Variants in MEF2A observed in about 807,000 individuals in gnomAD.
The protein encoded by MEF2A is myocyte enhancer factor 2A, also known as myocyte-specific enhancer factor 2A.
A neutral mutation model predicts 55.8 loss-of-function variants in MEF2A; 28 were observed. The observed-to-expected ratio is 0.50, with a 90% CI of 0.37 to 0.69. MEF2A has a LOEUF of 0.69. MEF2A is among the 30% of genes least tolerant of loss of function. The probability of loss-of-function intolerance (pLI) is 0.00; values close to 1 mark genes in which losing one functional copy is unlikely to be tolerated. For synonymous variants in MEF2A, 239 were observed against 227.1 expected (o/e 1.05, Z -0.47); for missense variants, 528 against 626.2 (o/e 0.84, Z 1.67).
At chr15:99,690,044 T>G (rs1303335614) in intron 7 of MEF2A, among the ~76,000 whole-genome samples, 197 bp from the exon 8 acceptor site, 1 of 152,192 alleles carries the variant, frequency 6.6e-6, no homozygotes, top group Non-Finnish European at 1.5e-5. Flanking sequence ...TTAGGGATGC[T>G]CAGCCAATAA....
At chr15:99,569,179 C>T (rs1337740105) in intron 1 of MEF2A, among the ~76,000 whole-genome samples, 2 of 152,144 alleles carry the variant, frequency 1.3e-5, no homozygotes, top group Admixed American at 6.5e-5. Context: ...GAGATATCTC[C>T]TGTAAAATGA....
intron 4 of MEF2A, among the ~76,000 whole-genome samples, chr15:99,660,418 G>A (rs909186117): frequency 2.6e-5 from 4 of 152,208 alleles, no homozygotes. Flanking sequence ...GGAGATGTGA[G>A]TGAAAATGAT....
rs1567535059 is a variant in MEF2A, at chr15:99,715,335, CTG to C, written c.*2566_*2567del. On this transcript the variant is annotated 3_prime_UTR_variant, in exon 12 of 12. Coordinates refer to ENST00000557942, the MANE Select transcript of MEF2A (RefSeq NM_001319206.4). ...GTGCCTTATGAGATGGCTTTTCTGA[CTG>C]TATCTCAATAGTCTTTCTTTCTATG... 6.6e-6 allele frequency: 1 copy of C among 152,184 alleles called. No homozygotes were observed. The highest frequency in any genetic ancestry group is 1.5e-5 in the Non-Finnish European group (1 of 68,028). 9.4% of individuals were successfully genotyped at this position (152,184 alleles called of 1,614,324 possible).
rs75888383 is a variant in MEF2A at position 99,711,515 on chromosome 15, G to C, written c.1136+755G>C. On this transcript the variant is annotated intron_variant, in intron 11 of 11. Transcript: ENST00000557942. ...AGGATGACAGCAGACCCATGGAGCA[G>C]TTGGAGGAGAGTGTCCCAAGAGAGG... 1.2e-3 allele frequency among the ~76,000 whole-genome samples: 176 copies of C among 152,314 alleles called. 1 individual carries two copies. Among genetic ancestry groups the C allele is most frequent in the Non-Finnish European group, 1.9e-3 (129 of 68,028 alleles).
chr15:99,659,417 G>A (rs959939976), intron 4 of MEF2A, among the ~76,000 whole-genome samples: 10 of 152,088 alleles, frequency 6.6e-5, no homozygotes, highest in African/African-American at 2.4e-4. Context: ...AGATAGGGGT[G>A]ATAAGATCAT....
chr15:99,626,313 C>T (rs1351915184), intron 2 of MEF2A, among the ~76,000 whole-genome samples: 1 of 152,030 alleles, frequency 6.6e-6, no homozygotes, highest in Non-Finnish European at 1.5e-5. Context: ...TTGTAATGCC[C>T]CCACTTTCAT....
chr15:99,616,292 C>T (rs142485183), intron 2 of MEF2A, among the ~76,000 whole-genome samples: 1 of 151,926 alleles, frequency 6.6e-6, no homozygotes, highest in Non-Finnish European at 1.5e-5. Flanking sequence ...ATAATATCTG[C>T]GAATAGGTTA....
chr15:99,699,929 T>G (rs2057120810), intron 8 of MEF2A, among the ~76,000 whole-genome samples: 1 of 151,066 alleles, frequency 6.6e-6, no homozygotes, highest in Non-Finnish European at 1.5e-5. Flanking sequence ...GGGTTATAGT[T>G]GAAGGATTCA....
intron 1 of MEF2A, among the ~76,000 whole-genome samples, chr15:99,566,777 A>G (rs1959779361): frequency 6.6e-6 from 1 of 152,024 alleles, no homozygotes; most frequent in African/African-American, 2.4e-5. Flanking sequence ...GAATTCTGTG[A>G]GTGTGTAGAT....
chr15:99,575,013 T>G (rs1352896651), intron 1 of MEF2A, among the ~76,000 whole-genome samples: 1 of 152,148 alleles, frequency 6.6e-6, no homozygotes, highest in Non-Finnish European at 1.5e-5. Flanking sequence ...GAATCCACTG[T>G]GTAGATCTTT....
At chr15:99,582,223 A>G (rs1017967126) in intron 1 of MEF2A, among the ~76,000 whole-genome samples, 4 of 152,164 alleles carry the variant, frequency 2.6e-5, no homozygotes, top group Admixed American at 2.6e-4. Flanking sequence ...GCCTTAAAGA[A>G]TAATGCTGAA....
intron 7 of MEF2A, among the ~76,000 whole-genome samples, chr15:99,683,769 T>C (rs1357649484): frequency 6.6e-6 from 1 of 152,016 alleles, no homozygotes; most frequent in Admixed American, 6.6e-5. Flanking sequence ...TGGTGTTTTG[T>C]TGCATGGAAA....
intron 2 of MEF2A, among the ~76,000 whole-genome samples, chr15:99,611,861 T>C (rs1303702112): frequency 1.3e-5 from 2 of 152,214 alleles, no homozygotes; most frequent in African/African-American, 2.4e-5. Flanking sequence ...TACTGATTAA[T>C]GTTATAACCC....
intron 4 of MEF2A, among the ~76,000 whole-genome samples, chr15:99,657,179 A>T (rs760136511): frequency 6.6e-6 from 1 of 151,998 alleles, no homozygotes; most frequent in Non-Finnish European, 1.5e-5. Flanking sequence ...TGAAGTTTGT[A>T]TACAAGTTTT....
chr15:99,617,336 C>G (rs2153229055), intron 2 of MEF2A, among the ~76,000 whole-genome samples: 1 of 150,240 alleles, frequency 6.7e-6, no homozygotes, highest in African/African-American at 2.4e-5. Context: ...TCTGTATCAT[C>G]TGGCATTTTG....
rs2051778219 is a variant in MEF2A, at chr15:99,675,425, A to G, written c.637A>G (p.Thr213Ala). ...AGGMLSTTDL[T>A]VPNGAGSSPV... ...TGGGATGTTGAGCACTACAGACCTC[A>G]CAGTGCCAAATGGAGCTGGAAGCAG... is the stretch of plus-strand genomic sequence containing the variant. Residue 213 changes from threonine (T) to alanine (A), a missense_variant, in exon 7 of 12, where the codon ACA becomes GCA. By Grantham distance (58) the Thr-to-Ala change is moderately conservative (BLOSUM62 0). Coordinates refer to ENST00000557942, the MANE Select transcript of MEF2A (RefSeq NM_001319206.4). 4 of 1,613,972 alleles carry G rather than the reference A, an allele frequency of 2.5e-6. No individual in the cohort carries two copies. The highest frequency in any genetic ancestry group is 2.2e-5 in the East Asian group (1 of 44,876).
In MEF2A at chr15:99,567,627, C is replaced by CTGTGTGTGTGTGTG. The variant is rs370539645; in HGVS notation, c.-225+1547_-225+1560dup. Among the ~76,000 whole-genome samples the CTGTGTGTGTGTGTG allele has an allele frequency of 7.7e-4, 111 of 143,868 alleles. 1 individual carries two copies. The highest frequency in any genetic ancestry group is 5.1e-3 in the East Asian group (25 of 4,940). 94.4% of individuals were successfully genotyped at this position (143,868 alleles called of 152,430 possible). A position where few individuals can be genotyped will look rare whatever the true frequency, so the allele number is the denominator to read the frequency against. On this transcript the variant is annotated intron_variant, in intron 1 of 11. Coordinates refer to ENST00000557942, the MANE Select transcript of MEF2A (RefSeq NM_001319206.4). Reference sequence around the variant, plus strand: ...TGTGCCTTTATGGCTTTTGTATGTACTGTGTGTGTGTGTGTGTGTGTGTGT... The same window carrying CTGTGTGTGTGTGTG: ...TGTGCCTTTATGGCTTTTGTATGTACTGTGTGTGTGTGTGTGTGTGTGTGTGTGTGTGTGTGTGT...
At chr15:99,668,290 A>T (rs978080363) in intron 4 of MEF2A, among the ~76,000 whole-genome samples, 2 of 152,210 alleles carry the variant, frequency 1.3e-5, no homozygotes, top group African/African-American at 4.8e-5. Context: ...AGGGTGTATC[A>T]TCGGCTTAAA....
intron 1 of MEF2A, among the ~76,000 whole-genome samples, chr15:99,595,483 A>AATAGGG (rs1970848854): frequency 1.3e-5 from 2 of 152,114 alleles, no homozygotes; most frequent in South Asian, 4.1e-4. Context: ...TGAAGTCAGG[A>AATAGGG]ATAGGGATAG....
Sources: allele counts gnomAD v4.1 joint callset (sites outside exome capture counted in the v4.1 genomes callset), GRCh38; gene constraint gnomAD v4.1.1; transcripts MANE v1.5; gene names NCBI Gene and HGNC (gene_info 2026-07-23, HGNC 2026-07-21).